The following FMN1 variants were observed in gnomAD, a reference collection of about 807,000 sequenced individuals.
FMN1 encodes the protein formin-1.
In FMN1, 110 loss-of-function variants were observed where a neutral mutation model predicts 132.4. The ratio of observed to expected loss-of-function variants is 0.83; its 90% CI spans 0.71 to 0.97. The LOEUF (loss-of-function observed/expected upper bound fraction) is 0.97, where lower values mean the gene tolerates loss of function less well. FMN1 is among the 50% of genes least tolerant of loss of function. The probability of loss-of-function intolerance (pLI) is 0.00; values close to 1 mark genes in which losing one functional copy is unlikely to be tolerated. For missense variants in FMN1, 1,792 were observed against 1,705.3 expected, an observed-to-expected ratio of 1.05 and a Z score of -0.90; for synonymous variants, 722 against 651.7, an observed-to-expected ratio of 1.11 and a Z score of -1.64.
intron 4 of FMN1, among the ~76,000 whole-genome samples, chr15:33,096,277 T>C (rs528821976): frequency 6.6e-6 from 1 of 152,358 alleles, no homozygotes; most frequent in African/African-American, 2.4e-5. Flanking sequence ...GTCTAACAAT[T>C]ATCTTTACAC....
chr15:32,766,114 G>T lies in FMN1; in HGVS notation c.*8196C>A, dbSNP rs900138153. 25 of 152,248 alleles carry T rather than the reference G, an allele frequency of 1.6e-4. No individual in the cohort carries two copies. Among genetic ancestry groups the T allele is most frequent in the African/African-American group, 6.0e-4 (25 of 41,540 alleles). 9.4% of individuals were successfully genotyped at this position (152,248 alleles called of 1,614,324 possible). A position where few individuals can be genotyped will look rare whatever the true frequency, so the allele number is the denominator to read the frequency against. ...TTCATTACTGCCTACAATCTTTTCA[G>T]ATTATATCTACAGACTGGTCTAATA... On this transcript the variant is annotated 3_prime_UTR_variant, in exon 21 of 21. Coordinates refer to ENST00000616417, the MANE Select transcript of FMN1 (RefSeq NM_001277313.2).
chr15:32,775,981 G>A (rs1020828490), intron 20 of FMN1, among the ~76,000 whole-genome samples: 11 of 152,262 alleles, frequency 7.2e-5, no homozygotes, highest in East Asian at 1.9e-4. Flanking sequence ...CAAAGCAGCT[G>A]AAATTCACAG....
chr15:33,017,764 T>C (rs566576910), intron 6 of FMN1, among the ~76,000 whole-genome samples: 109 of 152,312 alleles, frequency 7.2e-4, no homozygotes, highest in African/African-American at 2.5e-3. Flanking sequence ...GTTTGTGTCC[T>C]ACTAAAATCC....
intron 2 of FMN1, among the ~76,000 whole-genome samples, chr15:33,190,437 C>A (rs976885149): frequency 1.3e-5 from 2 of 152,150 alleles, no homozygotes; most frequent in African/African-American, 4.8e-5. Flanking sequence ...CCAGGGAGGG[C>A]TTCTCCTAAT....
intron 16 of FMN1, among the ~76,000 whole-genome samples, chr15:32,870,574 T>C (rs2059491672): frequency 6.6e-6 from 1 of 152,190 alleles, no homozygotes. Context: ...TTGCACGGAA[T>C]TGTCTAAAGC....
intron 7 of FMN1, among the ~76,000 whole-genome samples, chr15:32,988,486 C>G (rs2033223253): frequency 6.6e-6 from 1 of 152,184 alleles, no homozygotes; most frequent in Non-Finnish European, 1.5e-5. Flanking sequence ...ATTCTCAGTA[C>G]AACTCACCAT....
intron 7 of FMN1, among the ~76,000 whole-genome samples, chr15:32,990,313 A>G (rs1447361471): frequency 6.6e-6 from 1 of 152,152 alleles, no homozygotes; most frequent in Admixed American, 6.5e-5. Flanking sequence ...GCACACCGTG[A>G]GGAAGAAGAA....
At chr15:33,017,077 T>G (rs2035093000) in intron 6 of FMN1, among the ~76,000 whole-genome samples, 2 of 151,806 alleles carry the variant, frequency 1.3e-5, no homozygotes, top group Admixed American at 6.6e-5. Context: ...TTGGGGTGGC[T>G]GGGGTTCACC....
At chr15:33,018,067 GAAA>G (rs57158332) in intron 6 of FMN1, among the ~76,000 whole-genome samples, 30,876 of 142,836 alleles carry the variant, frequency 0.22, 3,435 homozygotes, top group Middle Eastern at 0.29. Flanking sequence ...TACCTCTCAA[GAAA>G]AAAAAAAAAA....
At chr15:32,814,057 G>A (rs1488242519) in intron 17 of FMN1, among the ~76,000 whole-genome samples, 2 of 152,174 alleles carry the variant, frequency 1.3e-5, no homozygotes, top group Non-Finnish European at 2.9e-5. Context: ...GACTCTTGAT[G>A]CTTTAAAACA....
At chr15:33,002,384 G>A (rs1475016736) in intron 7 of FMN1, among the ~76,000 whole-genome samples, 2 of 152,182 alleles carry the variant, frequency 1.3e-5, no homozygotes, top group African/African-American at 4.8e-5. Flanking sequence ...GACAAAAGAT[G>A]AGTCCACTAC....
chr15:32,920,512 G>A (rs1038151899), intron 10 of FMN1, among the ~76,000 whole-genome samples: 1 of 152,126 alleles, frequency 6.6e-6, no homozygotes, highest in African/African-American at 2.4e-5. Context: ...AGAAATAAAG[G>A]GATAAAGGTT....
rs1384311539 is a variant in FMN1 at position 32,900,057 on chromosome 15, A to T, written c.3576T>A (p.Asn1192Lys). 6.2e-7 allele frequency: 1 copy of T among 1,613,672 alleles called. No homozygotes were observed. The highest frequency in any genetic ancestry group is 2.2e-5 in the East Asian group (1 of 44,878). The change falls in exon 14 of 21, where the codon AAT becomes AAA. Residue 1192 changes from asparagine (N) to lysine (K), a missense_variant. Around this residue, in one of 3 missense-constraint regions of FMN1, gnomAD observed 1,150 missense variants for 1,043.1 expected, o/e 1.10. Coordinates refer to ENST00000616417, the MANE Select transcript of FMN1 (RefSeq NM_001277313.2). The stretch of plus-strand genomic sequence containing the variant: ...CTTGTCCCCGAGTCCTATTTCCTCC[A>T]TTCATATAATTTCCAAAAGCCAAGA... ...ALILAFGNYM[N>K]GGNRTRGQAD...
At chr15:32,913,137 C>G (rs1323297368) in intron 10 of FMN1, among the ~76,000 whole-genome samples, 3 of 152,082 alleles carry the variant, frequency 2.0e-5, no homozygotes, top group Non-Finnish European at 2.9e-5. Context: ...TCCTTTAAAA[C>G]CCCACTCAAG....
At chr15:32,926,375 G>A (rs560371827) in intron 9 of FMN1, 114 bp from the exon 10 acceptor site, 1 of 587,096 alleles carries the variant, frequency 1.7e-6, no homozygotes, top group African/African-American at 2.4e-5. Flanking sequence ...GAACTAAATT[G>A]ATGCTGCATG....
chr15:33,106,446 G>C (rs1323888693), intron 4 of FMN1, among the ~76,000 whole-genome samples: 2 of 151,714 alleles, frequency 1.3e-5, no homozygotes, highest in Non-Finnish European at 2.9e-5. Flanking sequence ...AAATCTATTA[G>C]CTTTTAGAGG....
chr15:32,808,396 G>C (rs985976578), intron 17 of FMN1, among the ~76,000 whole-genome samples: 1 of 152,226 alleles, frequency 6.6e-6, no homozygotes, highest in Admixed American at 6.5e-5. Context: ...CATAGTTGCA[G>C]CCAGTCTTTG....
At chr15:33,180,595 G>C (rs924952306) in intron 2 of FMN1, among the ~76,000 whole-genome samples, 2 of 152,108 alleles carry the variant, frequency 1.3e-5, no homozygotes, top group African/African-American at 4.8e-5. Flanking sequence ...GCCAGTACCA[G>C]TTGGCCATCC....
In FMN1 at chr15:32,766,194, T is replaced by A. The variant is rs2056040241; in HGVS notation, c.*8116A>T. The A allele has an allele frequency of 6.6e-6, 1 of 152,214 alleles. No individual in the cohort carries two copies. The highest frequency in any genetic ancestry group is 2.4e-5 in the African/African-American group (1 of 41,464). 9.4% of individuals were successfully genotyped at this position (152,214 alleles called of 1,614,324 possible). ...CCAGGTTAAATGGCTATTTAGGACA[T>A]GCTTGCACTTTTAAGTGCTTTCAAG... On this transcript the variant is annotated 3_prime_UTR_variant, in exon 21 of 21. Transcript: ENST00000616417.
Sources: gnomAD v4.1 joint callset for allele counts (sites outside exome capture counted in the v4.1 genomes callset) on GRCh38, gnomAD v4.1.1 for gene constraint, gnomAD v4.1.1 regional missense constraint, MANE v1.5 for transcripts, NCBI Gene and HGNC (gene_info 2026-07-23, HGNC 2026-07-21) for gene names.